CSMD3: variants seen among roughly 807,000 people sequenced by gnomAD.
The protein encoded by CSMD3 is CUB and Sushi multiple domains 3.
Under a neutral mutation model 435.2 loss-of-function variants are expected in CSMD3, and 177 were observed. The observed-to-expected ratio is 0.41, with a 90% CI of 0.36 to 0.46. The LOEUF (loss-of-function observed/expected upper bound fraction) is 0.46. Ranked by LOEUF, CSMD3 falls within the 20% of genes least tolerant of loss-of-function variation. The pLI is 0.34. For missense variants in CSMD3, 4,265 were observed against 4,504.6 expected (o/e 0.95, Z 1.52); for synonymous variants, 1,656 against 1,520.5 (o/e 1.09, Z -2.07).
chr8:112,872,555 A>T (rs1251126547), intron 10 of CSMD3, among the ~76,000 whole-genome samples: 1 of 151,998 alleles, frequency 6.6e-6, no homozygotes, highest in African/African-American at 2.4e-5. Flanking sequence ...AAAAAAAAGT[A>T]AGCAAATTCA....
intron 61 of CSMD3, among the ~76,000 whole-genome samples, chr8:112,262,216 C>T (rs1014235043): frequency 1.3e-5 from 2 of 151,890 alleles, no homozygotes; most frequent in African/African-American, 4.8e-5. Context: ...GCCTTGCAGA[C>T]TTAATTAAAA....
intron 10 of CSMD3, among the ~76,000 whole-genome samples, chr8:112,861,228 C>A (rs1402941038): frequency 6.6e-6 from 1 of 151,838 alleles, no homozygotes; most frequent in East Asian, 1.9e-4. Flanking sequence ...ACTCCAACTT[C>A]TCTATTACAT....
intron 63 of CSMD3, among the ~76,000 whole-genome samples, chr8:112,253,229 C>G (rs1397296427): frequency 6.6e-6 from 1 of 151,750 alleles, no homozygotes; most frequent in Non-Finnish European, 1.5e-5. Context: ...CAGCTAGTTG[C>G]CCATTTTTCA....
At chr8:113,108,058 A>G (rs1163941046) in intron 4 of CSMD3, among the ~76,000 whole-genome samples, 1 of 152,188 alleles carries the variant, frequency 6.6e-6, no homozygotes, top group Non-Finnish European at 1.5e-5. Flanking sequence ...GTTCAAAAAC[A>G]TAGGAATAGT....
chr8:112,306,637 G>A (rs1216462783), intron 50 of CSMD3, among the ~76,000 whole-genome samples: 1 of 152,034 alleles, frequency 6.6e-6, no homozygotes, highest in Non-Finnish European at 1.5e-5. Context: ...ATTTTGGTCA[G>A]GAATAAATCA....
intron 13 of CSMD3, among the ~76,000 whole-genome samples, chr8:112,717,012 A>T (rs1351958142): frequency 6.6e-6 from 1 of 152,204 alleles, no homozygotes; most frequent in Non-Finnish European, 1.5e-5. Context: ...GGCATGGGTA[A>T]AGATTTCATG....
intron 31 of CSMD3, among the ~76,000 whole-genome samples, chr8:112,480,550 A>T (rs60761957): frequency 0.017 from 2,646 of 152,148 alleles, 78 homozygotes; most frequent in African/African-American, 0.06. Flanking sequence ...ATCCCTCATG[A>T]ATGGCTTGGT....
intron 27 of CSMD3, among the ~76,000 whole-genome samples, chr8:112,541,168 A>G (rs773345564): frequency 3.9e-5 from 6 of 151,920 alleles, no homozygotes; most frequent in Non-Finnish European, 8.8e-5. Context: ...AGCAATAAAC[A>G]CCTACATAAA....
rs117093129 is a variant in CSMD3, at chr8:112,861,201, C to T, written c.1634-1935G>A. ...ATTTTTCTTGTACTGATAATAGCTA[C>T]TGAACCCCTTTTCTAGACTCCAACT... On this transcript the variant is annotated intron_variant, in intron 10 of 70. Coordinates refer to ENST00000297405, the MANE Select transcript of CSMD3 (RefSeq NM_198123.2). 8.9e-3 allele frequency among the ~76,000 whole-genome samples: 1,345 copies of T among 151,846 alleles called. 16 individuals are homozygous for T. Among genetic ancestry groups the T allele is most frequent in the Non-Finnish European group, 0.015 (1,036 of 67,724 alleles).
Position 113,399,078 on chromosome 8 carries a change from C to CATATAT in CSMD3, c.178+37593_178+37598dup, listed in dbSNP as rs764141337. On this transcript the variant is annotated intron_variant, in intron 1 of 70. Transcript: ENST00000297405. ...CAAAACCATACCCACAAGGATAGTT[C>CATATAT]ATATATATATATATATATATATATA... Among the ~76,000 whole-genome samples, 308 of 90,804 alleles carry CATATAT rather than the reference C, an allele frequency of 3.4e-3. 2 individuals carry two copies. The highest frequency in any genetic ancestry group is 6.4e-3 in the Middle Eastern group (1 of 156). 59.6% of individuals were successfully genotyped at this position (90,804 alleles called of 152,430 possible).
In CSMD3 at chr8:112,336,728, C is replaced by T. The variant is rs957094168; in HGVS notation, c.6943G>A (p.Val2315Ile). 6 of 1,613,116 alleles carry T rather than the reference C, an allele frequency of 3.7e-6. No homozygotes were observed. Among genetic ancestry groups the T allele is most frequent in the Admixed American group, 1.7e-5 (1 of 60,010 alleles). Residue 2315 changes from valine to isoleucine, a missense_variant, in exon 44 of 71, where the codon GTA (valine) becomes ATA (isoleucine). By Grantham distance (29) the Val-to-Ile change is conservative. Around this residue, in one of 3 missense-constraint regions of CSMD3, gnomAD observed 3,255 missense variants for 3,380.2 expected, o/e 0.96. Transcript: ENST00000297405. Reference sequence around the variant, plus strand: ...ATGTAGATGCCATTCCCAGGGGGTACTCTTACAAGCCAAAAACAATCTTGA... The same window carrying T: ...ATGTAGATGCCATTCCCAGGGGGTATTCTTACAAGCCAAAAACAATCTTGA... ...NFQDCFWLVR[V>I]PPGNGIYINF...
chr8:113,124,710 C>T (rs1429365979), intron 4 of CSMD3, among the ~76,000 whole-genome samples: 1 of 151,878 alleles, frequency 6.6e-6, no homozygotes, highest in Non-Finnish European at 1.5e-5. Context: ...TGGCTGATCA[C>T]ATGTTGTGGT....
chr8:112,923,312 G>A (rs1266101888), intron 9 of CSMD3, among the ~76,000 whole-genome samples: 2 of 151,974 alleles, frequency 1.3e-5, no homozygotes, highest in African/African-American at 4.8e-5. Flanking sequence ...TCAGAATAAA[G>A]GATCACCTGT....
chr8:113,091,451 G>A (rs1174571978), intron 5 of CSMD3, among the ~76,000 whole-genome samples: 1 of 151,956 alleles, frequency 6.6e-6, no homozygotes, highest in Non-Finnish European at 1.5e-5. Context: ...CTCATTACTT[G>A]TTATTGGTCT....
At chr8:112,370,026 A>AGAAGAG (rs1554658407) in intron 38 of CSMD3, among the ~76,000 whole-genome samples, 560 of 49,266 alleles carry the variant, frequency 0.011, 9 homozygotes, top group Non-Finnish European at 0.026. Context: ...AAGAAGAGGA[A>AGAAGAG]GAAGAAGAAG....
At chr8:113,201,621 T>C (rs1006411665) in intron 3 of CSMD3, among the ~76,000 whole-genome samples, 2 of 152,044 alleles carry the variant, frequency 1.3e-5, no homozygotes, top group African/African-American at 4.8e-5. Context: ...TTACATGATA[T>C]GATAATGTTT....
At chr8:112,980,219 C>A (rs1023206991) in intron 6 of CSMD3, among the ~76,000 whole-genome samples, 1 of 150,592 alleles carries the variant, frequency 6.6e-6, no homozygotes, top group African/African-American at 2.4e-5. Flanking sequence ...TAATTATTCT[C>A]TAACTCATTA....
rs928344084 is a variant in CSMD3 at position 112,443,984 on chromosome 8, A to G, written c.5395+28607T>C. Among the ~76,000 whole-genome samples, 3 of 152,222 alleles carry G rather than the reference A, an allele frequency of 2.0e-5. No homozygotes were observed. In the South Asian group the frequency reaches 6.2e-4, roughly 31 times the overall value. On this transcript the variant is annotated intron_variant, in intron 32 of 70. Transcript: ENST00000297405. ...CTCATTTTGCAGAAAAGAAAAATGA[A>G]AACAAAGAGTTTCAGTAATTTTCTC...
At chr8:113,246,304 C>T (rs571075778) in intron 3 of CSMD3, among the ~76,000 whole-genome samples, 1 of 152,018 alleles carries the variant, frequency 6.6e-6, no homozygotes, top group African/African-American at 2.4e-5. Flanking sequence ...TCAATTGACC[C>T]ATTTGTATGT....
Sources: gnomAD v4.1 joint callset for allele counts (sites outside exome capture counted in the v4.1 genomes callset) on GRCh38, gnomAD v4.1.1 for gene constraint, gnomAD v4.1.1 regional missense constraint, MANE v1.5 for transcripts, NCBI Gene and HGNC (gene_info 2026-07-23, HGNC 2026-07-21) for gene names.